TNFAIP2: variants seen among roughly 807,000 people sequenced by gnomAD.
TNFAIP2 encodes the protein TNF alpha induced protein 2.
In TNFAIP2, 47 loss-of-function variants were observed where a neutral mutation model predicts 63.5. The observed-to-expected ratio is 0.74, with a 90% CI of 0.59 to 0.94. TNFAIP2 has a LOEUF of 0.94. Among genes scored for constraint, TNFAIP2 ranks in the 40% least tolerant of loss-of-function variants. The pLI is 0.00. For missense variants in TNFAIP2, 787 were observed against 850.2 expected (o/e 0.93, Z 0.92); for synonymous variants, 405 against 390.2 (o/e 1.04, Z -0.45).
At chr14:103,134,766 A>G (rs1193525431) in intron 11 of TNFAIP2, among the ~76,000 whole-genome samples, 1 of 152,180 alleles carries the variant, frequency 6.6e-6, no homozygotes, top group African/African-American at 2.4e-5. Flanking sequence ...ATGAAGTACA[A>G]GGGAAGCCAG....
Position 103,135,978 on chromosome 14 carries a change from AGGCT to A in TNFAIP2, c.*622_*625del. The A allele has an allele frequency of 4.7e-6, 6 of 1,289,284 alleles. No individual in the cohort carries two copies. The highest frequency in any genetic ancestry group is 6.1e-6 in the Non-Finnish European group (6 of 988,842). 79.9% of individuals were successfully genotyped at this position (1,289,284 alleles called of 1,614,324 possible). The stretch of plus-strand genomic sequence containing the variant: ...ATCCAGGTGGCCCCACGGCCCCTAC[AGGCT>A]GGCCCTGCAATGGGGCCCTGAGCCC... On this transcript the variant is annotated 3_prime_UTR_variant, in exon 12 of 12. Coordinates refer to ENST00000560869, the MANE Select transcript of TNFAIP2 (RefSeq NM_006291.4). The surrounding 1 kb of genome is among the most constrained non-coding windows in gnomAD (Gnocchi z 7.6).
chr14:103,122,914 C>G (rs567527777), upstream of TNFAIP2: 1 of 441,322 alleles, frequency 2.3e-6, no homozygotes, highest in South Asian at 1.6e-5. Flanking sequence ...GGCTCAAGGC[C>G]CTGTGCACAG....
chr14:103,126,231 G>A (rs2087848968), intron 1 of TNFAIP2, 79 bp from the exon 2 acceptor site: 2 of 469,552 alleles, frequency 4.3e-6, no homozygotes, highest in Admixed American at 3.7e-5. Flanking sequence ...ACTCAATGCA[G>A]CCAGCATAGC....
At chr14:103,132,225 A>G (rs1443758556) in intron 8 of TNFAIP2, among the ~76,000 whole-genome samples, 1 of 152,106 alleles carries the variant, frequency 6.6e-6, no homozygotes, top group African/African-American at 2.4e-5. Context: ...AGCTGGGGTT[A>G]TATCTGTTAT....
chr14:103,126,901 C>A, intron 2 of TNFAIP2, 104 bp from the exon 3 acceptor site: 1 of 1,402,322 alleles, frequency 7.1e-7, no homozygotes, highest in Non-Finnish European at 9.3e-7. Context: ...TGTTGGCCGC[C>A]GGCCCTGTGC....
chr14:103,134,623 T>G (rs1369857136), intron 11 of TNFAIP2, among the ~76,000 whole-genome samples: 1 of 145,202 alleles, frequency 6.9e-6, no homozygotes, highest in Non-Finnish European at 1.5e-5. Flanking sequence ...TACTCACTCA[T>G]CCATGCTCCC....
chr14:103,134,477 C>T (rs866438480), intron 11 of TNFAIP2, among the ~76,000 whole-genome samples: 145 of 134,702 alleles, frequency 1.1e-3, no homozygotes, highest in Middle Eastern at 3.7e-3. Flanking sequence ...CCCACCCACC[C>T]GTCTATCCAT....
intron 1 of TNFAIP2, among the ~76,000 whole-genome samples, chr14:103,124,749 T>G (rs1031522370): frequency 2.6e-5 from 4 of 152,186 alleles, no homozygotes; most frequent in African/African-American, 9.7e-5. Flanking sequence ...AGGTGCCCCA[T>G]GGCCTTGCCC....
At position 103,131,271 on chromosome 14, in the gene TNFAIP2, T is replaced by A. The variant is rs758042402; in HGVS notation, c.1298+121T>A. 1 of 1,085,552 alleles carries A rather than the reference T, an allele frequency of 9.2e-7. No individual in the cohort carries two copies. The highest frequency in any genetic ancestry group is 2.4e-5 in the East Asian group (1 of 41,286). The allele number at this position is 1,085,552 out of a possible 1,614,324, so 67.2% of individuals were successfully genotyped here. A position where few individuals can be genotyped will look rare whatever the true frequency, so the allele number is the denominator to read the frequency against. On this transcript the variant is annotated intron_variant, in intron 7 of 11. Coordinates refer to ENST00000560869, the MANE Select transcript of TNFAIP2 (RefSeq NM_006291.4). The surrounding 1 kb of genome is among the most constrained non-coding windows in gnomAD (Gnocchi z 4.0). Reference sequence around the variant, plus strand: ...AGAAGTGGAATTCAAACCAGCAACATGTGTGAGGACTCCACGGCCTGCAGC... The same window carrying A: ...AGAAGTGGAATTCAAACCAGCAACAAGTGTGAGGACTCCACGGCCTGCAGC...
Position 103,127,209 on chromosome 14 carries a change from C to T in TNFAIP2, c.440C>T (p.Pro147Leu). 1 of 1,110,610 alleles carries T rather than the reference C, an allele frequency of 9.0e-7. No homozygotes were observed. 68.8% of individuals were successfully genotyped at this position (1,110,610 alleles called of 1,614,324 possible). A position where few individuals can be genotyped will look rare whatever the true frequency, so the allele number is the denominator to read the frequency against. Reference sequence around the variant, plus strand: ...GTGCTGCGGCGGCCGCTGGAGGCGCCGCCCGAGCGGCTGCGCCAGGCGCTG... The same window carrying T: ...GTGCTGCGGCGGCCGCTGGAGGCGCTGCCCGAGCGGCTGCGCCAGGCGCTG... Reference protein sequence around the residue: ...LGVLRRPLEAPPERLRQALAV... With the variant: ...LGVLRRPLEALPERLRQALAV... The change falls in exon 3 of 12, where the codon CCG (proline) becomes CTG (leucine). Residue 147 changes from proline (P) to leucine (L), a missense_variant. Pro to Leu is a moderately conservative substitution (Grantham distance 98, BLOSUM62 -3). Transcript: ENST00000560869. The surrounding 1 kb of genome is among the most constrained non-coding windows in gnomAD (Gnocchi z 5.1).
chr14:103,131,995 T>A lies in TNFAIP2; in HGVS notation c.1422+233T>A, dbSNP rs2087985918. On this transcript the variant is annotated intron_variant, in intron 8 of 11. Transcript: ENST00000560869. This position sits in a 1 kb window ranked among gnomAD's most constrained non-coding sequence, Gnocchi z 4.0. ...GGGGTTTCACCTGAGAGGGGCCGCC[T>A]GGGGCTGGGAGGGGCCGCCTGGGGC... Among the ~76,000 whole-genome samples, 1 of 5,524 alleles carries A rather than the reference T, an allele frequency of 1.8e-4. No homozygotes were observed. The highest frequency in any genetic ancestry group is 3.9e-4 in the Non-Finnish European group (1 of 2,536). The allele number at this position is 5,524 out of a possible 152,430, so 3.6% of individuals were successfully genotyped here.
At chr14:103,129,529 G>A (rs996921862) in intron 3 of TNFAIP2, among the ~76,000 whole-genome samples, 1 of 151,988 alleles carries the variant, frequency 6.6e-6, no homozygotes, top group Non-Finnish European at 1.5e-5. Flanking sequence ...GAGAGAGTCA[G>A]AGGAGGCATG....
At chr14:103,122,443 G>GC (rs1891146669), upstream of TNFAIP2, among the ~76,000 whole-genome samples, 1 of 152,232 alleles carries the variant, frequency 6.6e-6, no homozygotes, top group Non-Finnish European at 1.5e-5. Flanking sequence ...CAGGAGGGAA[G>GC]CCCCTGCCCA....
intron 8 of TNFAIP2, 93 bp from the exon 9 acceptor site, chr14:103,132,657 C>G: frequency 2.0e-6 from 3 of 1,516,528 alleles, no homozygotes; most frequent in African/African-American, 1.5e-5. Flanking sequence ...GCACATGTGT[C>G]GGTGTGTGTC....
At position 103,131,162 on chromosome 14, in the gene TNFAIP2, G is replaced by A. The variant is rs751773281; in HGVS notation, c.1298+12G>A. ...TGCCTGTCCTTCCGGTGAGAGTGTT[G>A]GGAGGGGCTTGCGGGAGTGGGAGTC... On this transcript the variant is annotated intron_variant, in intron 7 of 11. Transcript: ENST00000560869. This position sits in a 1 kb window ranked among gnomAD's most constrained non-coding sequence, Gnocchi z 4.0. 6.2e-7 allele frequency: 1 copy of A among 1,613,870 alleles called. No homozygotes were observed. The highest frequency in any genetic ancestry group is 1.3e-5 in the African/African-American group (1 of 75,034).
At chr14:103,126,049 C>T (rs889459247) in intron 1 of TNFAIP2, among the ~76,000 whole-genome samples, 12 of 152,146 alleles carry the variant, frequency 7.9e-5, no homozygotes, top group Admixed American at 1.3e-4. Context: ...CTCTGTGTGG[C>T]GGGCTTGGCG....
In TNFAIP2 at chr14:103,132,660, T is replaced by TG. The variant is rs772982113; in HGVS notation, c.1423-89dup. On this transcript the variant is annotated intron_variant, in intron 8 of 11. Coordinates refer to ENST00000560869, the MANE Select transcript of TNFAIP2 (RefSeq NM_006291.4). ...CCCCTCCACCAGGCACATGTGTCGGTGTGTGTCTGTGTCTGCGTGTCTGCG... is the reference window on the plus strand; with the variant it reads ...CCCCTCCACCAGGCACATGTGTCGGTGGTGTGTCTGTGTCTGCGTGTCTGCG... 9.2e-6 allele frequency: 14 copies of TG among 1,518,506 alleles called. No individual in the cohort carries two copies. The African/African-American group carries it at 1.9e-4, about 21-fold the overall frequency. 94.1% of individuals were successfully genotyped at this position (1,518,506 alleles called of 1,614,324 possible).
chr14:103,135,596 A>G lies in TNFAIP2; in HGVS notation c.*236A>G, dbSNP rs2139573081. Reference sequence around the variant, plus strand: ...CCCATCCTGGGCAGCCAACCAGGCAACACCAAGGACTCTTTGTAAACGATA... The same window carrying G: ...CCCATCCTGGGCAGCCAACCAGGCAGCACCAAGGACTCTTTGTAAACGATA... On this transcript the variant is annotated 3_prime_UTR_variant, in exon 12 of 12. Coordinates refer to ENST00000560869, the MANE Select transcript of TNFAIP2 (RefSeq NM_006291.4). The surrounding 1 kb of genome is among the most constrained non-coding windows in gnomAD (Gnocchi z 7.6). 1 of 1,402,110 alleles carries G rather than the reference A, an allele frequency of 7.1e-7. No homozygotes were observed. 86.9% of individuals were successfully genotyped at this position (1,402,110 alleles called of 1,614,324 possible).
At chr14:103,129,909 GAGAC>G in intron 4 of TNFAIP2, 55 bp downstream of exon 4, 1 of 1,607,852 alleles carries the variant, frequency 6.2e-7, no homozygotes, top group Non-Finnish European at 8.5e-7. Context: ...GAGAGGCTCG[GAGAC>G]AGACAGGACA....
Sources: gnomAD v4.1 joint callset for allele counts (sites outside exome capture counted in the v4.1 genomes callset) on GRCh38, gnomAD v4.1.1 for gene constraint, Gnocchi (gnomAD v3.1) non-coding constraint, MANE v1.5 for transcripts, NCBI Gene and HGNC (gene_info 2026-07-23, HGNC 2026-07-21) for gene names.